MAP2: variants seen among roughly 807,000 people sequenced by gnomAD.
MAP2 encodes microtubule-associated protein 2.
A neutral mutation model predicts 137.6 loss-of-function variants in MAP2; 14 were observed. The observed-to-expected ratio is 0.10, with a 90% confidence interval of 0.07 to 0.16. The LOEUF is 0.16. Among genes scored for constraint, MAP2 ranks in the 10% least tolerant of loss-of-function variants. MAP2 has a pLI of 1.00. For synonymous variants in MAP2, 786 were observed against 782.3 expected (o/e 1.00, Z -0.08); for missense variants, 2,088 against 2,191.5 (o/e 0.95, Z 0.94).
rs1190114125 is a variant in MAP2, at chr2:209,733,610, T to G, written c.*3213T>G. ...TGACATAGCTGCAATTACAGTTTTCTTCTATTTTTCAAGCCACAATAAGGA... is the reference window on the plus strand; with the variant it reads ...TGACATAGCTGCAATTACAGTTTTCGTCTATTTTTCAAGCCACAATAAGGA... On this transcript the variant is annotated 3_prime_UTR_variant, in exon 16 of 16. Coordinates refer to ENST00000682079, the MANE Select transcript of MAP2 (RefSeq NM_001375505.1). The G allele has an allele frequency of 6.6e-6, 1 of 152,214 alleles. No individual in the cohort carries two copies. The highest frequency in any genetic ancestry group is 1.5e-5 in the Non-Finnish European group (1 of 68,026). 9.4% of individuals were successfully genotyped at this position (152,214 alleles called of 1,614,324 possible).
rs1407795840 is a variant in MAP2 at position 209,695,354 on chromosome 2, A to G, written c.3184A>G (p.Ile1062Val). ...TGGACAGATGGCTTCAGGGCTAAAC[A>G]TAGATGATAGAAGGGCAACAGAGCT... ...DFGQMASGLN[I>V]DDRRATELKL... The change falls in exon 8 of 16, where the codon ATA (isoleucine) becomes GTA (valine). Residue 1062 changes from isoleucine (I) to valine (V), a missense_variant. Around this residue, in one of 6 missense-constraint regions of MAP2, gnomAD observed 500 missense variants for 482.9 expected, o/e 1.04. Transcript: ENST00000682079. 5.0e-6 allele frequency: 8 copies of G among 1,613,952 alleles called. No individual in the cohort carries two copies. Among genetic ancestry groups the G allele is most frequent in the Admixed American group, 3.3e-5 (2 of 59,990 alleles).
chr2:209,518,105 G>T (rs184541267), intron 2 of MAP2, among the ~76,000 whole-genome samples: 199 of 152,112 alleles, frequency 1.3e-3, no homozygotes, highest in African/African-American at 4.6e-3. Context: ...ATGAGAAGGT[G>T]CAGTTCCAAT....
intron 1 of MAP2, among the ~76,000 whole-genome samples, chr2:209,487,546 G>A (rs1022586609): frequency 6.6e-6 from 1 of 152,122 alleles, no homozygotes; most frequent in African/African-American, 2.4e-5. Context: ...TGTTTACAAA[G>A]CTCAGTTGTA....
intron 7 of MAP2, among the ~76,000 whole-genome samples, chr2:209,686,805 G>T (rs918654572): frequency 1.3e-5 from 2 of 152,088 alleles, no homozygotes; most frequent in Non-Finnish European, 2.9e-5. Flanking sequence ...TAAGAGGTTT[G>T]AAACATGAAA....
At chr2:209,619,866 T>C (rs2090614304) in intron 3 of MAP2, among the ~76,000 whole-genome samples, 1 of 152,148 alleles carries the variant, frequency 6.6e-6, no homozygotes. Flanking sequence ...CCCATGTTTC[T>C]CCACCCCTTG....
At chr2:209,436,223 C>T (rs1404770483) in intron 1 of MAP2, among the ~76,000 whole-genome samples, 1 of 150,900 alleles carries the variant, frequency 6.6e-6, no homozygotes, top group Non-Finnish European at 1.5e-5. Flanking sequence ...ATTACAAACA[C>T]ATTCTTGTTA....
At chr2:209,709,326 T>C (rs2064601157) in intron 12 of MAP2, among the ~76,000 whole-genome samples, 1 of 152,134 alleles carries the variant, frequency 6.6e-6, no homozygotes. Context: ...ATACATGATA[T>C]AGTATAGCAG....
chr2:209,440,063 C>T (rs1697377435), intron 1 of MAP2, among the ~76,000 whole-genome samples: 1 of 151,404 alleles, frequency 6.6e-6, no homozygotes, highest in Admixed American at 6.6e-5. Context: ...AATATTTATC[C>T]TTGAAACATT....
At chr2:209,717,942 G>A (rs933161427) in intron 13 of MAP2, among the ~76,000 whole-genome samples, 2 of 152,128 alleles carry the variant, frequency 1.3e-5, no homozygotes, top group Non-Finnish European at 2.9e-5. Flanking sequence ...TAAATAAGAG[G>A]ACTCATAAAA....
At chr2:209,619,541 G>A (rs2090523720) in intron 3 of MAP2, among the ~76,000 whole-genome samples, 1 of 152,020 alleles carries the variant, frequency 6.6e-6, no homozygotes, top group Non-Finnish European at 1.5e-5. Context: ...CAGCAGTGTA[G>A]TATATAAATA....
chr2:209,594,670 T>C (rs1579732129), intron 3 of MAP2, among the ~76,000 whole-genome samples: 1 of 152,218 alleles, frequency 6.6e-6, no homozygotes, highest in Admixed American at 6.5e-5. Context: ...TCACTGATCA[T>C]ATTTCATATT....
chr2:209,474,914 T>G (rs1261043300), intron 1 of MAP2, among the ~76,000 whole-genome samples: 1 of 152,072 alleles, frequency 6.6e-6, no homozygotes, highest in African/African-American at 2.4e-5. Flanking sequence ...AGGATTTATC[T>G]TCTCCCTCCT....
At chr2:209,644,670 C>CAGAAAAAAAAAA (rs527801970) in intron 4 of MAP2, among the ~76,000 whole-genome samples, 1 of 68,584 alleles carries the variant, frequency 1.5e-5, no homozygotes, top group African/African-American at 4.1e-5. Context: ...GACCCTGTCT[C>CAGAAAAAAAAAA]AAAAAAAAAA....
At chr2:209,723,505 A>G in intron 13 of MAP2, 1 of 755,404 alleles carries the variant, frequency 1.3e-6, no homozygotes, top group Non-Finnish European at 2.4e-6. Context: ...AAGGGAATCT[A>G]AAGCCTCTTT....
chr2:209,521,696 A>G (rs973783333), intron 2 of MAP2, among the ~76,000 whole-genome samples: 2 of 152,192 alleles, frequency 1.3e-5, no homozygotes, highest in Non-Finnish European at 2.9e-5. Flanking sequence ...TAACATCAAA[A>G]GCACATTCAT....
At chr2:209,476,382 G>A (rs1396736629) in intron 1 of MAP2, among the ~76,000 whole-genome samples, 1 of 141,184 alleles carries the variant, frequency 7.1e-6, no homozygotes, top group Non-Finnish European at 1.5e-5. Context: ...TCCTCCCCAC[G>A]ATTTGTTTTT....
chr2:209,645,797 TAG>T (rs2094384342), intron 4 of MAP2, among the ~76,000 whole-genome samples: 1 of 152,204 alleles, frequency 6.6e-6, no homozygotes, highest in South Asian at 2.1e-4. Context: ...ACTCAGGACT[TAG>T]AATAAAGTAA....
At chr2:209,552,777 C>T (rs1003921531) in intron 2 of MAP2, among the ~76,000 whole-genome samples, 6 of 152,022 alleles carry the variant, frequency 3.9e-5, no homozygotes, top group Non-Finnish European at 7.4e-5. Flanking sequence ...AGGAGTATCG[C>T]TTGATCCCGG....
At chr2:209,556,006 C>T (rs898009247) in intron 2 of MAP2, among the ~76,000 whole-genome samples, 14 of 142,174 alleles carry the variant, frequency 9.8e-5, no homozygotes, top group African/African-American at 3.1e-4. Flanking sequence ...AAGAGAAAAT[C>T]ATTTTCAGGC....
Sources: allele counts gnomAD v4.1 joint callset (sites outside exome capture counted in the v4.1 genomes callset), GRCh38; gene constraint gnomAD v4.1.1; regional missense constraint gnomAD v4.1.1; transcripts MANE v1.5; gene names NCBI Gene and HGNC (gene_info 2026-07-23, HGNC 2026-07-21).